FNDC3A: variants seen among roughly 807,000 people sequenced by gnomAD.
FNDC3A encodes the protein fibronectin type-III domain-containing protein 3A.
Under a neutral mutation model 148.9 loss-of-function variants are expected in FNDC3A, and 32 were observed. The observed-to-expected ratio is 0.21, with a 90% CI of 0.16 to 0.29. The LOEUF (loss-of-function observed/expected upper bound fraction) is 0.29. Among genes scored for constraint, FNDC3A ranks in the 10% least tolerant of loss-of-function variants. The probability of loss-of-function intolerance (pLI) is 1.00; values close to 1 mark genes in which losing one functional copy is unlikely to be tolerated. For missense variants in FNDC3A, 1,191 were observed against 1,452.8 expected, an observed-to-expected ratio of 0.82 and a Z score of 2.93; for synonymous variants, 472 against 473.6, an observed-to-expected ratio of 1.00 and a Z score of 0.04.
rs374955992 is a variant in FNDC3A, at chr13:49,178,534, C to T, written c.1531-34C>T. 8 of 1,266,462 alleles carry T rather than the reference C, an allele frequency of 6.3e-6. No homozygotes were observed. The African/African-American group carries it at 1.2e-4, about 19-fold the overall frequency. The allele number at this position is 1,266,462 out of a possible 1,614,324, so 78.5% of individuals were successfully genotyped here. ...TATTGCCCATATTTCTATTGTTAGA[C>T]ATCGAATGAAGACTTTGTTTTTTCC... On this transcript the variant is annotated intron_variant, in intron 13 of 25. Transcript: ENST00000492622.
At chr13:48,990,403 T>TA (rs1425279571) in intron 1 of FNDC3A, among the ~76,000 whole-genome samples, 2 of 151,422 alleles carry the variant, frequency 1.3e-5, no homozygotes, top group South Asian at 2.1e-4. Flanking sequence ...ATATAGGATT[T>TA]AAAAAAAATT....
chr13:49,199,362 A>T lies in FNDC3A; in HGVS notation c.2987+788A>T, dbSNP rs184436827. ...TTTTTTTTTTTTGAGACGGAGTCTC[A>T]CTCTCACCAGGCTGGAGTGCAGTGA... On this transcript the variant is annotated intron_variant, in intron 23 of 25. Transcript: ENST00000492622. Among the ~76,000 whole-genome samples the T allele has an allele frequency of 1.3e-4, 17 of 131,842 alleles. No homozygotes were observed. In the East Asian group the frequency reaches 3.7e-3, roughly 28 times the overall value. The allele number at this position is 131,842 out of a possible 152,430, so 86.5% of individuals were successfully genotyped here.
At chr13:49,000,964 TTGTGTGTGTG>T (rs149236388) in intron 1 of FNDC3A, among the ~76,000 whole-genome samples, 1 of 150,006 alleles carries the variant, frequency 6.7e-6, no homozygotes, top group Non-Finnish European at 1.5e-5. Flanking sequence ...TTTTGTGTGT[TTGTGTGTGTG>T]TGTGTGTGTG....
intron 12 of FNDC3A, 73 bp downstream of exon 12, chr13:49,174,632 C>G: frequency 7.6e-7 from 1 of 1,317,202 alleles, no homozygotes; most frequent in Non-Finnish European, 1.0e-6. Flanking sequence ...TAATTATTTA[C>G]TGTCCAAATT....
chr13:49,181,327 G>C (rs1885290807), intron 14 of FNDC3A, among the ~76,000 whole-genome samples: 1 of 152,238 alleles, frequency 6.6e-6, no homozygotes, highest in Non-Finnish European at 1.5e-5. Context: ...AGTTCTCAAA[G>C]TAGTCAGCAG....
At chr13:49,090,026 A>G (rs1390086672) in intron 3 of FNDC3A, among the ~76,000 whole-genome samples, 1 of 152,182 alleles carries the variant, frequency 6.6e-6, no homozygotes, top group Admixed American at 6.5e-5. Flanking sequence ...CTGCCAATGT[A>G]TGCATGATCC....
At chr13:49,167,393 T>G (rs1884529390) in intron 9 of FNDC3A, 90 bp downstream of exon 9, 1 of 729,586 alleles carries the variant, frequency 1.4e-6, no homozygotes, top group Non-Finnish European at 2.2e-6. Flanking sequence ...TAGTATATAA[T>G]TTAAACATTA....
At chr13:49,115,198 T>TTA (rs1880867421) in intron 4 of FNDC3A, among the ~76,000 whole-genome samples, 1 of 140,344 alleles carries the variant, frequency 7.1e-6, no homozygotes, top group Non-Finnish European at 1.5e-5. Context: ...GGGGGGGAAA[T>TTA]AAAAAAAAAA....
At chr13:49,146,385 TTAGTATGTTTA>T (rs1315318658) in intron 8 of FNDC3A, 1 of 154,664 alleles carries the variant, frequency 6.5e-6, no homozygotes, top group East Asian at 1.9e-4. Context: ...TATTTGCATG[TTAGTATGTTTA>T]TAGTCATATT....
chr13:49,104,481 G>A (rs71434461), intron 3 of FNDC3A, among the ~76,000 whole-genome samples: 13,136 of 91,666 alleles, frequency 0.14, 836 homozygotes, highest in Admixed American at 0.3. Flanking sequence ...CTGAGATCGC[G>A]CCACTGCACT....
chr13:49,179,985 G>A (rs1885224650), intron 14 of FNDC3A, among the ~76,000 whole-genome samples: 1 of 152,142 alleles, frequency 6.6e-6, no homozygotes. Context: ...GGAACTATAT[G>A]TGTGTATATG....
At chr13:49,074,688 A>G (rs78116189) in intron 2 of FNDC3A, among the ~76,000 whole-genome samples, 290 of 152,302 alleles carry the variant, frequency 1.9e-3, no homozygotes, top group African/African-American at 6.7e-3. Flanking sequence ...TTAAGGGAGA[A>G]TTAATCCTGT....
At chr13:49,167,331 T>A in intron 9 of FNDC3A, 28 bp downstream of exon 9, 2 of 1,391,986 alleles carry the variant, frequency 1.4e-6, no homozygotes, top group Non-Finnish European at 2.0e-6. Context: ...ATTGCCTTTA[T>A]AAGATACAGC....
chr13:49,174,896 T>A (rs1422184549), intron 12 of FNDC3A, among the ~76,000 whole-genome samples: 1 of 152,222 alleles, frequency 6.6e-6, no homozygotes, highest in Non-Finnish European at 1.5e-5. Context: ...AAATACCCAA[T>A]TTAAATAGAA....
At chr13:49,023,851 A>T (rs923033306) in intron 2 of FNDC3A, among the ~76,000 whole-genome samples, 1 of 151,984 alleles carries the variant, frequency 6.6e-6, no homozygotes, top group African/African-American at 2.4e-5. Context: ...TTTGTCAAAA[A>T]GTGTACAGAT....
chr13:49,040,682 T>G (rs1386357941), intron 2 of FNDC3A, among the ~76,000 whole-genome samples: 1 of 152,218 alleles, frequency 6.6e-6, no homozygotes, highest in Admixed American at 6.5e-5. Context: ...GGATTTAGTT[T>G]TTAAAAGTCT....
chr13:49,144,463 T>G (rs1385918721), intron 7 of FNDC3A, among the ~76,000 whole-genome samples: 1 of 152,214 alleles, frequency 6.6e-6, no homozygotes, highest in Non-Finnish European at 1.5e-5. Context: ...TAATTCAAGA[T>G]AGGAGTAATT....
chr13:49,056,707 T>G (rs1876272507), intron 2 of FNDC3A, among the ~76,000 whole-genome samples: 1 of 152,198 alleles, frequency 6.6e-6, no homozygotes, highest in South Asian at 2.1e-4. Flanking sequence ...TTTCATTGTT[T>G]TGTTTCTTTT....
chr13:48,990,488 G>A (rs531719745), intron 1 of FNDC3A, among the ~76,000 whole-genome samples: 16 of 149,978 alleles, frequency 1.1e-4, no homozygotes, highest in Admixed American at 6.7e-4. Context: ...GTGGTGGCTC[G>A]TGCCTGTAAT....
Sources: gnomAD v4.1 joint callset for allele counts (sites outside exome capture counted in the v4.1 genomes callset) on GRCh38, gnomAD v4.1.1 for gene constraint, MANE v1.5 for transcripts, NCBI Gene and HGNC (gene_info 2026-07-23, HGNC 2026-07-21) for gene names.